Variants in LONP2 observed in about 807,000 individuals in gnomAD.
LONP2 encodes lon protease homolog 2, peroxisomal.
A neutral mutation model predicts 85.6 loss-of-function variants in LONP2; 60 were observed. That is an observed-to-expected ratio of 0.70 (90% CI 0.57 to 0.87). The LOEUF (loss-of-function observed/expected upper bound fraction) is 0.87. LONP2 is among the 40% of genes least tolerant of loss of function. LONP2 has a pLI of 0.00. For synonymous variants in LONP2, 395 were observed against 389.7 expected (o/e 1.01, Z -0.16); for missense variants, 860 against 1,063.5 (o/e 0.81, Z 2.66).
At chr16:48,322,132 C>T (rs112927837) in intron 11 of LONP2, among the ~76,000 whole-genome samples, 275 of 151,922 alleles carry the variant, frequency 1.8e-3, no homozygotes, top group African/African-American at 6.3e-3. Flanking sequence ...GCTTAAAACA[C>T]AAATACACTG....
At chr16:48,322,489 A>C (rs1486829884) in intron 11 of LONP2, among the ~76,000 whole-genome samples, 2 of 152,202 alleles carry the variant, frequency 1.3e-5, no homozygotes, top group Non-Finnish European at 2.9e-5. Context: ...CATGGATAAC[A>C]GTGCCTTCTA....
chr16:48,321,242 A>C (rs1199361197), intron 11 of LONP2, among the ~76,000 whole-genome samples: 2 of 152,226 alleles, frequency 1.3e-5, no homozygotes, highest in South Asian at 2.1e-4. Context: ...AAGTTACAAG[A>C]GTATTAAAGC....
rs1478204427 is a variant in LONP2 at position 48,252,216 on chromosome 16, C to T, written c.319C>T (p.Arg107Cys). Residue 107 changes from arginine (R) to cysteine (C), a missense_variant, in exon 2 of 15, where the codon CGT becomes TGT. This residue lies in a region of LONP2 where 743 missense variants were observed against 917.3 expected (regional missense o/e 0.81). Transcript: ENST00000285737. ...CACTCTGTTGATTACAGGCCTATGC[C>T]GTTTCCAGATTGTACAGGTCTTAAA... is the stretch of plus-strand genomic sequence containing the variant. ...HYTLLITGLC[R>C]FQIVQVLKEK... 3.7e-6 allele frequency: 6 copies of T among 1,614,094 alleles called. No individual in the cohort carries two copies. The highest frequency in any genetic ancestry group is 1.3e-5 in the African/African-American group (1 of 75,040).
intron 11 of LONP2, among the ~76,000 whole-genome samples, chr16:48,313,510 A>G (rs1973078740): frequency 6.6e-6 from 1 of 151,656 alleles, no homozygotes; most frequent in African/African-American, 2.4e-5. Flanking sequence ...CCCAGTGTGT[A>G]TTTTTCCCTG....
intron 8 of LONP2, among the ~76,000 whole-genome samples, chr16:48,292,942 T>A (rs938598913): frequency 3.3e-5 from 5 of 152,200 alleles, no homozygotes; most frequent in Non-Finnish European, 5.9e-5. Flanking sequence ...CCTTATAATC[T>A]AGGTATTCTG....
chr16:48,262,286 ATGTAT>A lies in LONP2; in HGVS notation c.888-485_888-481del, dbSNP rs754995518. ...TCACTCATCTCTGATACAAAAAAAA[ATGTAT>A]TGTATTATGCATAGTTAGGCACTTA... On this transcript the variant is annotated intron_variant, in intron 5 of 14. Coordinates refer to ENST00000285737, the MANE Select transcript of LONP2 (RefSeq NM_031490.5). 5.4e-4 allele frequency among the ~76,000 whole-genome samples: 82 copies of A among 152,306 alleles called. 1 individual carries two copies. In the East Asian group the frequency reaches 0.014, roughly 27 times the overall value.
intron 14 of LONP2, among the ~76,000 whole-genome samples, chr16:48,350,713 C>G (rs1180957970): frequency 6.6e-6 from 1 of 152,224 alleles, no homozygotes; most frequent in Non-Finnish European, 1.5e-5. Context: ...AGAGGCTGAG[C>G]TGGGTTCTTG....
In LONP2 at chr16:48,244,453, T is replaced by C; in HGVS notation, c.65T>C (p.Val22Ala). 6.3e-7 allele frequency: 1 copy of C among 1,595,738 alleles called. No individual in the cohort carries two copies. Among genetic ancestry groups the C allele is most frequent in the South Asian group, 1.1e-5 (1 of 89,240 alleles). The part of the protein sequence containing the change: ...RLPLLLTHEG[V>A]LLPGSTMRTS... ...CCGCTGCTGCTCACCCACGAGGGCG[T>C]CCTGCTGCCCGGCTCCACCATGCGC... Residue 22 changes from valine (V) to alanine (A), a missense_variant, in exon 1 of 15, where the codon GTC becomes GCC. Val to Ala is a moderately conservative substitution (Grantham distance 64, BLOSUM62 0). Around this residue, in one of 3 missense-constraint regions of LONP2, gnomAD observed 743 missense variants for 917.3 expected, o/e 0.81. Transcript: ENST00000285737.
chr16:48,277,664 TC>T (rs996952347), intron 8 of LONP2, among the ~76,000 whole-genome samples, 185 bp downstream of exon 8: 1 of 152,066 alleles, frequency 6.6e-6, no homozygotes, highest in African/African-American at 2.4e-5. Flanking sequence ...TTTCACTAAG[TC>T]CCCTTTTTTT....
intron 14 of LONP2, 53 bp downstream of exon 14, chr16:48,348,343 TTAA>T (rs1960034677): frequency 8.5e-7 from 1 of 1,179,440 alleles, no homozygotes; most frequent in Non-Finnish European, 1.1e-6. Context: ...TTTTTGAAAA[TTAA>T]TATTATTTTT....
At chr16:48,362,279 C>T (rs34437640), downstream of LONP2, 4,688 of 1,614,108 alleles carry the variant, frequency 2.9e-3, 89 homozygotes, top group African/African-American at 0.042. This position sits in a 1 kb window ranked among gnomAD's most constrained non-coding sequence, Gnocchi z 4.2. Flanking sequence ...GAAGAATGGG[C>T]GGTAACACAT....
intron 14 of LONP2, among the ~76,000 whole-genome samples, chr16:48,348,593 C>G (rs1567354691): frequency 6.7e-6 from 1 of 149,536 alleles, no homozygotes; most frequent in Non-Finnish European, 1.5e-5. Context: ...GTCCTGGGCT[C>G]AAGCGATCCT....
intron 8 of LONP2, among the ~76,000 whole-genome samples, chr16:48,293,061 G>T (rs1972588691): frequency 6.6e-6 from 1 of 152,074 alleles, no homozygotes. Flanking sequence ...AAAATTACTT[G>T]TTCAAGTCTG....
intron 1 of LONP2, among the ~76,000 whole-genome samples, chr16:48,251,310 T>C (rs1211045817): frequency 6.6e-6 from 1 of 152,232 alleles, no homozygotes; most frequent in Non-Finnish European, 1.5e-5. Context: ...TTTTGGGATC[T>C]GGAATTGTCT....
rs930787726 is a variant in LONP2 at position 48,244,701 on chromosome 16, G to C, written c.233+80G>C. On this transcript the variant is annotated intron_variant, in intron 1 of 14. Transcript: ENST00000285737. Reference sequence around the variant, plus strand: ...CTGGGCCCAGGCCACGGCCTGCCTTGAGCGCGAGGCTCAGTTCGGGGCGGC... The same window carrying C: ...CTGGGCCCAGGCCACGGCCTGCCTTCAGCGCGAGGCTCAGTTCGGGGCGGC... 3.8e-6 allele frequency: 4 copies of C among 1,047,364 alleles called. No homozygotes were observed. In the African/African-American group the frequency reaches 6.7e-5, roughly 18 times the overall value. The allele number at this position is 1,047,364 out of a possible 1,614,324, so 64.9% of individuals were successfully genotyped here.
chr16:48,298,740 G>T (rs1407730651), intron 9 of LONP2, among the ~76,000 whole-genome samples: 1 of 151,652 alleles, frequency 6.6e-6, no homozygotes, highest in African/African-American at 2.4e-5. Context: ...GAGGATTTGA[G>T]GATAAAGAGA....
intron 13 of LONP2, 125 bp from the exon 14 acceptor site, chr16:48,347,975 G>A: frequency 2.2e-6 from 2 of 893,902 alleles, no homozygotes; most frequent in Admixed American, 2.9e-5. Context: ...AAATTGTACT[G>A]TCCACCAATA....
intron 7 of LONP2, among the ~76,000 whole-genome samples, chr16:48,275,273 A>G (rs1247904395): frequency 1.3e-5 from 2 of 152,194 alleles, no homozygotes; most frequent in African/African-American, 2.4e-5. Flanking sequence ...GCTTAGGTCA[A>G]GTAATTTGCC....
chr16:48,309,219 C>T (rs1972978203), intron 11 of LONP2, among the ~76,000 whole-genome samples: 1 of 152,138 alleles, frequency 6.6e-6, no homozygotes, highest in Non-Finnish European at 1.5e-5. Flanking sequence ...AGTACCACCT[C>T]TATGGAAAAC....
Sources: gnomAD v4.1 joint callset for allele counts (sites outside exome capture counted in the v4.1 genomes callset) on GRCh38, gnomAD v4.1.1 for gene constraint, gnomAD v4.1.1 regional missense constraint, Gnocchi (gnomAD v3.1) non-coding constraint, MANE v1.5 for transcripts, NCBI Gene and HGNC (gene_info 2026-07-23, HGNC 2026-07-21) for gene names.